The following ATRAID variants were observed in gnomAD, a reference collection of about 807,000 sequenced individuals.
The protein encoded by ATRAID is all-trans retinoic acid-induced differentiation factor.
A neutral mutation model predicts 28.8 loss-of-function variants in ATRAID; 26 were observed. The ratio of observed to expected loss-of-function variants is 0.90; its 90% CI spans 0.66 to 1.25. The LOEUF (loss-of-function observed/expected upper bound fraction) is 1.25. Among genes scored for constraint, ATRAID ranks in the 50% most tolerant of loss-of-function variants. ATRAID has a pLI of 0.00. For synonymous variants in ATRAID, 131 were observed against 108.5 expected, an observed-to-expected ratio of 1.21 and a Z score of -1.29; for missense variants, 308 against 285.9, an observed-to-expected ratio of 1.08 and a Z score of -0.56.
chr2:27,212,145 C>T lies in ATRAID; in HGVS notation c.-224C>T, dbSNP rs1160919330. On this transcript the variant is annotated 5_prime_UTR_variant, in exon 1 of 7. Transcript: ENST00000380171. ...GCCGCGCGGCGACGGGGGAGGCCTT[C>T]ACTAAAGGGGAAAAGGAAGAGGGGG... is the stretch of plus-strand genomic sequence containing the variant. The T allele has an allele frequency of 1.2e-5, 18 of 1,526,440 alleles. No homozygotes were observed. Among genetic ancestry groups the T allele is most frequent in the Non-Finnish European group, 1.6e-5 (18 of 1,139,622 alleles). The allele number at this position is 1,526,440 out of a possible 1,614,324, so 94.6% of individuals were successfully genotyped here.
At position 27,217,053 on chromosome 2, in the gene ATRAID, A is replaced by G; in HGVS notation, c.*105A>G. 1.0e-6 allele frequency: 1 copy of G among 971,988 alleles called. No homozygotes were observed. The highest frequency in any genetic ancestry group is 1.5e-6 in the Non-Finnish European group (1 of 663,190). 60.2% of individuals were successfully genotyped at this position (971,988 alleles called of 1,614,324 possible). A position where few individuals can be genotyped will look rare whatever the true frequency, so the allele number is the denominator to read the frequency against. ...CATCTTTCGCCAGTGGATTCGCCTC[A>G]AGGTTGAGGCCGCCATTGGAAGATG... On this transcript the variant is annotated 3_prime_UTR_variant, in exon 7 of 7. Coordinates refer to ENST00000380171, the MANE Select transcript of ATRAID (RefSeq NM_001170795.4).
At chr2:27,215,299 A>G in intron 2 of ATRAID, 22 bp from the exon 3 acceptor site, 1 of 1,611,660 alleles carries the variant, frequency 6.2e-7, no homozygotes, top group Non-Finnish European at 8.5e-7. Flanking sequence ...ACACAGTTAT[A>G]TTGATTACTT....
chr2:27,212,216 G>A lies in ATRAID; in HGVS notation c.-153G>A. 6.4e-7 allele frequency: 1 copy of A among 1,558,534 alleles called. No individual in the cohort carries two copies. Among genetic ancestry groups the A allele is most frequent in the South Asian group, 1.2e-5 (1 of 84,690 alleles). The stretch of plus-strand genomic sequence containing the variant: ...AGGGCTAGGGCGCATGAAGACCAGC[G>A]CAGAGCTCCACGAGCAGGAAAAGCC... On this transcript the variant is annotated 5_prime_UTR_variant, in exon 1 of 7. Coordinates refer to ENST00000380171, the MANE Select transcript of ATRAID (RefSeq NM_001170795.4).
intron 5 of ATRAID, 83 bp downstream of exon 5, chr2:27,215,836 T>G (rs1357131995): frequency 3.3e-6 from 5 of 1,537,322 alleles, no homozygotes; most frequent in Non-Finnish European, 3.5e-6. Flanking sequence ...ACAAAGTTGC[T>G]TAAGCGCCTT....
At chr2:27,216,046 C>T (rs1365204809) in intron 5 of ATRAID, among the ~76,000 whole-genome samples, 1 of 152,176 alleles carries the variant, frequency 6.6e-6, no homozygotes, top group African/African-American at 2.4e-5. Flanking sequence ...ATCATTAGTT[C>T]TTACAGGTTT....
Position 27,215,482 on chromosome 2 carries a change from A to G in ATRAID, c.302A>G (p.Gln101Arg), listed in dbSNP as rs1469379811. 1 of 1,614,068 alleles carries G rather than the reference A, an allele frequency of 6.2e-7. No individual in the cohort carries two copies. Among genetic ancestry groups the G allele is most frequent in the Non-Finnish European group, 8.5e-7 (1 of 1,180,028 alleles). Residue 101 changes from glutamine to arginine, a missense_variant, in exon 4 of 7, where the codon CAA (glutamine) becomes CGA (arginine). Coordinates refer to ENST00000380171, the MANE Select transcript of ATRAID (RefSeq NM_001170795.4). ...CATTGTGTACTTTGCAGAGACCTGC[A>G]AGCAAACCCCCTCAAAGGTGACTTG... Reference protein sequence around the residue: ...QAHTTVIIDLQANPLKGDLAN... With the variant: ...QAHTTVIIDLRANPLKGDLAN...
exon 7 of ATRAID, chr2:27,217,144 ACTTTTTT>A (rs1674884137): frequency 8.4e-6 from 4 of 477,844 alleles, no homozygotes; most frequent in East Asian, 1.1e-4. Context: ...TATAATAAAC[ACTTTTTT>A]CTTTTTTTTT....
chr2:27,215,722 A>G lies in ATRAID; in HGVS notation c.456A>G (p.Gln152=), dbSNP rs1249455051. The change falls in exon 5 of 7, where the codon CAA becomes CAG. Residue 152 remains glutamine, a synonymous_variant. Coordinates refer to ENST00000380171, the MANE Select transcript of ATRAID (RefSeq NM_001170795.4). Reference sequence around the variant, plus strand: ...TAGACAACCAAATCTGTCAAGGGCAAAAGAACCTTTGCAATAACACTGGGG... The same window carrying G: ...TAGACAACCAAATCTGTCAAGGGCAGAAGAACCTTTGCAATAACACTGGGG... ...SYIDNQICQG[Q]KNLCNNTGDP... 1.2e-6 allele frequency: 2 copies of G among 1,614,226 alleles called. No individual in the cohort carries two copies. The highest frequency in any genetic ancestry group is 1.7e-6 in the Non-Finnish European group (2 of 1,180,036).
At chr2:27,216,384 T>TA (rs748389441) in intron 5 of ATRAID, 139 bp from the exon 6 acceptor site, 4 of 737,598 alleles carry the variant, frequency 5.4e-6, no homozygotes, top group Non-Finnish European at 9.4e-6. Flanking sequence ...ACATTATTGT[T>TA]ACTGTTTTTA....
rs1205673255 is a variant in ATRAID, at chr2:27,216,989, T to C, written c.*41T>C. On this transcript the variant is annotated 3_prime_UTR_variant, in exon 7 of 7. Coordinates refer to ENST00000380171, the MANE Select transcript of ATRAID (RefSeq NM_001170795.4). ...CCATTGACCTAAGATCAATCTGAAC[T>C]ATCTTAGCCCAGTCAGGGAGCTCTG... The C allele has an allele frequency of 1.3e-6, 2 of 1,519,988 alleles. No individual in the cohort carries two copies. Among genetic ancestry groups the C allele is most frequent in the African/African-American group, 2.8e-5 (2 of 72,382 alleles). The allele number at this position is 1,519,988 out of a possible 1,614,324, so 94.2% of individuals were successfully genotyped here.
At chr2:27,212,724 C>T (rs1034641410) in intron 1 of ATRAID, 2 of 1,157,302 alleles carry the variant, frequency 1.7e-6, no homozygotes, top group Middle Eastern at 3.0e-4. Flanking sequence ...TAAGTTCTTT[C>T]TACAGACGGG....
In ATRAID at chr2:27,212,382, A is replaced by G. The variant is rs1275533; in HGVS notation, c.14A>G (p.Asp5Gly). MAPHDPGSLTTLVPW... is the reference protein window; with the variant it reads MAPHGPGSLTTLVPW... ...AGGGAACGGAAAATGGCGCCTCACG[A>G]CCCGGGTAGTCTTACGACCCTGGTG... The change falls in exon 1 of 7, where the codon GAC becomes GGC. Residue 5 changes from aspartate (D) to glycine (G), a missense_variant. Coordinates refer to ENST00000380171, the MANE Select transcript of ATRAID (RefSeq NM_001170795.4). 1,509,133 of 1,550,438 alleles carry G rather than the reference A, an allele frequency of 0.97. 737,357 individuals are homozygous for G. The highest frequency in any genetic ancestry group is 1 in the East Asian group (40,970 of 40,972).
Position 27,215,470 on chromosome 2 carries a change from G to C in ATRAID, c.294-4G>C, listed in dbSNP as rs1173181661. 1.9e-6 allele frequency: 3 copies of C among 1,614,164 alleles called. No homozygotes were observed. The highest frequency in any genetic ancestry group is 2.5e-6 in the Non-Finnish European group (3 of 1,180,022). ...CGAAAGTGCTAACATTGTGTACTTT[G>C]CAGAGACCTGCAAGCAAACCCCCTC... is the stretch of plus-strand genomic sequence containing the variant. On this transcript the variant is annotated splice_polypyrimidine_tract_variant and splice_region_variant and intron_variant, in intron 3 of 6. Transcript: ENST00000380171.
In ATRAID at chr2:27,212,331, C is replaced by T. The variant is rs559815627; in HGVS notation, c.-38C>T. ...GCGCTGCGGGGCGGGGCCGCGGGGCCGGGTCGCGCGAGCAGCGGAGCACCA... is the reference window on the plus strand; with the variant it reads ...GCGCTGCGGGGCGGGGCCGCGGGGCTGGGTCGCGCGAGCAGCGGAGCACCA... On this transcript the variant is annotated 5_prime_UTR_variant, in exon 1 of 7. Transcript: ENST00000380171. 38 of 1,549,352 alleles carry T rather than the reference C, an allele frequency of 2.5e-5. No homozygotes were observed. The African/African-American group carries it at 2.7e-4, about 11-fold the overall frequency.
At chr2:27,215,824 A>G in intron 5 of ATRAID, 71 bp downstream of exon 5, 1 of 1,570,942 alleles carries the variant, frequency 6.4e-7, no homozygotes, top group Non-Finnish European at 8.6e-7. Context: ...TAGATCAGAA[A>G]GACAAAGTTG....
rs1674679476 is a variant in ATRAID at position 27,213,241 on chromosome 2, C to T, written c.164C>T (p.Thr55Ile). The T allele has an allele frequency of 1.9e-6, 3 of 1,614,060 alleles. No homozygotes were observed. The highest frequency in any genetic ancestry group is 2.2e-5 in the South Asian group (2 of 91,086). ...AAAGTGGCCTTTTATTGTAAAACGA[C>T]ACGAGAGCTAATGCTGCATGCCCGT... ...LSKVAFYCKT[T>I]RELMLHARCC... The change falls in exon 2 of 7, where the codon ACA (threonine) becomes ATA (isoleucine). Residue 55 changes from threonine to isoleucine, a missense_variant. Coordinates refer to ENST00000380171, the MANE Select transcript of ATRAID (RefSeq NM_001170795.4).
intron 1 of ATRAID, chr2:27,212,708 T>C: frequency 8.0e-7 from 1 of 1,256,838 alleles, no homozygotes; most frequent in South Asian, 1.8e-5. Flanking sequence ...AATTTTAGAA[T>C]AACTTTAAGT....
Position 27,217,119 on chromosome 2 carries a change from A to T in ATRAID, c.*171A>T. The T allele has an allele frequency of 1.7e-6, 1 of 574,172 alleles. No homozygotes were observed. The highest frequency in any genetic ancestry group is 2.4e-5 in the South Asian group (1 of 42,344). The allele number at this position is 574,172 out of a possible 1,614,324, so 35.6% of individuals were successfully genotyped here. ...TTGGTGTAGACAAATACCAGTTCCCATTGGTGTTGTTGCCTATAATAAACA... is the reference window on the plus strand; with the variant it reads ...TTGGTGTAGACAAATACCAGTTCCCTTTGGTGTTGTTGCCTATAATAAACA... On this transcript the variant is annotated 3_prime_UTR_variant, in exon 7 of 7. Transcript: ENST00000380171.
intron 4 of ATRAID, 30 bp from the exon 5 acceptor site, chr2:27,215,602 T>C: frequency 6.2e-7 from 1 of 1,614,208 alleles, no homozygotes. Context: ...GTTTAGCAAC[T>C]TTGCATGTTA....
Sources: allele counts gnomAD v4.1 joint callset (sites outside exome capture counted in the v4.1 genomes callset), GRCh38; gene constraint gnomAD v4.1.1; transcripts MANE v1.5; gene names NCBI Gene and HGNC (gene_info 2026-07-23, HGNC 2026-07-21).